The following DCC variants were observed in gnomAD, a reference collection of about 807,000 sequenced individuals.
The protein encoded by DCC is DCC netrin 1 receptor.
DCC carries 58 observed loss-of-function variants against 172.5 expected under a neutral mutation model. That is an observed-to-expected ratio of 0.34 (90% CI 0.27 to 0.42). The LOEUF (loss-of-function observed/expected upper bound fraction) is 0.42, where lower values mean the gene tolerates loss of function less well. DCC is among the 10% of genes least tolerant of loss of function. DCC has a pLI of 1.00. For missense variants in DCC, 1,740 were observed against 1,791.0 expected (o/e 0.97, Z 0.51); for synonymous variants, 709 against 644.5 (o/e 1.10, Z -1.52).
At chr18:52,663,650 T>C (rs1286588524) in intron 1 of DCC, among the ~76,000 whole-genome samples, 1 of 152,194 alleles carries the variant, frequency 6.6e-6, no homozygotes, top group Non-Finnish European at 1.5e-5. Context: ...GTAATGAATA[T>C]ATATTATATA....
chr18:53,040,585 A>G (rs1017883981), intron 5 of DCC, among the ~76,000 whole-genome samples: 2 of 151,970 alleles, frequency 1.3e-5, no homozygotes, highest in Non-Finnish European at 2.9e-5. Flanking sequence ...GATTTAGTAA[A>G]CTTTTATGAA....
At chr18:53,434,311 G>A (rs1911807470) in intron 21 of DCC, among the ~76,000 whole-genome samples, 1 of 152,066 alleles carries the variant, frequency 6.6e-6, no homozygotes, top group Non-Finnish European at 1.5e-5. Context: ...CCTCTCAAAT[G>A]TTTTACATAA....
intron 13 of DCC, among the ~76,000 whole-genome samples, chr18:53,309,964 G>GTGTATATATATATATATATA (rs371302546): frequency 6.6e-5 from 9 of 137,346 alleles, no homozygotes; most frequent in African/African-American, 2.2e-4. Context: ...ATACGTGTGT[G>GTGTATATATATATATATATA]TATATATATA....
chr18:52,788,527 T>C (rs895691732), intron 2 of DCC, among the ~76,000 whole-genome samples: 1 of 152,220 alleles, frequency 6.6e-6, no homozygotes, highest in African/African-American at 2.4e-5. Context: ...ATTTTGCCAA[T>C]AATCCTTAAG....
intron 2 of DCC, among the ~76,000 whole-genome samples, chr18:52,878,321 C>T (rs546781566): frequency 6.6e-6 from 1 of 152,274 alleles, no homozygotes; most frequent in South Asian, 2.1e-4. Context: ...GAATCACTCT[C>T]TTTTCTGGCA....
chr18:52,376,123 C>T (rs1208999722), intron 1 of DCC, among the ~76,000 whole-genome samples: 1 of 152,146 alleles, frequency 6.6e-6, no homozygotes, highest in Non-Finnish European at 1.5e-5. Context: ...TGAACTAAAT[C>T]TATTAACTGT....
chr18:53,426,281 T>C (rs1347526251), intron 21 of DCC, among the ~76,000 whole-genome samples: 2 of 135,074 alleles, frequency 1.5e-5, no homozygotes, highest in South Asian at 2.2e-4. Context: ...ATTTATATAT[T>C]ACATATTTAT....
chr18:52,922,889 C>A (rs574742273), intron 3 of DCC, among the ~76,000 whole-genome samples: 2 of 152,266 alleles, frequency 1.3e-5, no homozygotes, highest in South Asian at 4.1e-4. Flanking sequence ...CTTATTCCAC[C>A]TGATATAATC....
At chr18:53,425,363 T>TG (rs200775293) in intron 21 of DCC, among the ~76,000 whole-genome samples, 14 of 132,172 alleles carry the variant, frequency 1.1e-4, no homozygotes, top group East Asian at 6.1e-4. Flanking sequence ...CTCTCTTTTT[T>TG]TTTTTTTTTT....
rs2057680368 is a variant in DCC at position 53,343,051 on chromosome 18, C to G, written c.2359+3144C>G. On this transcript the variant is annotated intron_variant, in intron 15 of 28. Transcript: ENST00000442544. ...GTATCCTAATATCTGCTAAATTTAC[C>G]TATATATTCCATTAGTTTTTTAGAT... Among the ~76,000 whole-genome samples the G allele has an allele frequency of 2.0e-5, 3 of 151,010 alleles. No homozygotes were observed. In the South Asian group the frequency reaches 6.3e-4, roughly 31 times the overall value.
At chr18:52,385,554 A>G (rs1461314134) in intron 1 of DCC, among the ~76,000 whole-genome samples, 1 of 152,076 alleles carries the variant, frequency 6.6e-6, no homozygotes, top group Non-Finnish European at 1.5e-5. Flanking sequence ...CTTCCAAAGA[A>G]GATCCCATTC....
chr18:52,812,001 T>G (rs1224076935), intron 2 of DCC, among the ~76,000 whole-genome samples: 1 of 152,190 alleles, frequency 6.6e-6, no homozygotes, highest in Non-Finnish European at 1.5e-5. Flanking sequence ...GAATTTGCTG[T>G]TTTTAATTTG....
chr18:52,492,434 G>T (rs1182314852), intron 1 of DCC, among the ~76,000 whole-genome samples: 4 of 151,912 alleles, frequency 2.6e-5, no homozygotes, highest in Non-Finnish European at 5.9e-5. Flanking sequence ...GAGAGAAAAA[G>T]ATGAGATGTG....
At chr18:53,129,549 G>A (rs934862692) in intron 7 of DCC, among the ~76,000 whole-genome samples, 14 of 151,858 alleles carry the variant, frequency 9.2e-5, no homozygotes, top group African/African-American at 2.4e-4. Flanking sequence ...AGTTTTATCC[G>A]TATTTAGATT....
chr18:53,266,374 T>C (rs1407042971), intron 12 of DCC, among the ~76,000 whole-genome samples: 1 of 152,178 alleles, frequency 6.6e-6, no homozygotes, highest in African/African-American at 2.4e-5. Context: ...TAATACATTT[T>C]TTTATTATTG....
intron 5 of DCC, among the ~76,000 whole-genome samples, chr18:53,036,392 C>G (rs1467794928): frequency 6.6e-6 from 1 of 151,918 alleles, no homozygotes; most frequent in African/African-American, 2.4e-5. Flanking sequence ...AAAACTGCAC[C>G]CAGCTGAACC....
In DCC at chr18:52,923,816, A is replaced by G; in HGVS notation, c.807A>G (p.Pro269=). The G allele has an allele frequency of 6.2e-7, 1 of 1,613,434 alleles. No individual in the cohort carries two copies. The highest frequency in any genetic ancestry group is 8.5e-7 in the Non-Finnish European group (1 of 1,179,588). ...LECCVSGYPP[P]SFTWLRGEEV... ...GTTGTGTTTCTGGCTATCCTCCACC[A>G]AGTTTTACCTGGTTACGAGGCGAGG... is the stretch of plus-strand genomic sequence containing the variant. The change falls in exon 4 of 29, where the codon CCA becomes CCG. Residue 269 remains proline (P), a synonymous_variant. Coordinates refer to ENST00000442544, the MANE Select transcript of DCC (RefSeq NM_005215.4).
chr18:52,920,935 C>G (rs1881595924), intron 3 of DCC, among the ~76,000 whole-genome samples: 1 of 152,084 alleles, frequency 6.6e-6, no homozygotes, highest in African/African-American at 2.4e-5. Context: ...AGGCTATGTA[C>G]TTTATGATTC....
chr18:52,921,548 A>C (rs931567258), intron 3 of DCC, among the ~76,000 whole-genome samples: 2 of 151,806 alleles, frequency 1.3e-5, no homozygotes, highest in Non-Finnish European at 2.9e-5. Flanking sequence ...AAAATACCAA[A>C]ATGAGCCAGG....
Sources: gnomAD v4.1 joint callset for allele counts (sites outside exome capture counted in the v4.1 genomes callset) on GRCh38, gnomAD v4.1.1 for gene constraint, MANE v1.5 for transcripts, NCBI Gene and HGNC (gene_info 2026-07-23, HGNC 2026-07-21) for gene names.